The following ZNF599 variants were observed in gnomAD, a reference collection of about 807,000 sequenced individuals.
ZNF599 encodes the protein zinc finger protein 599.
A neutral mutation model predicts 11.7 loss-of-function variants in ZNF599; 10 were observed. The ratio of observed to expected loss-of-function variants is 0.86; its 90% confidence interval spans 0.53 to 1.45. The LOEUF (loss-of-function observed/expected upper bound fraction) is 1.45, where lower values mean the gene tolerates loss of function less well. Ranked by LOEUF, ZNF599 falls within the 40% of genes most tolerant of loss-of-function variation. ZNF599 has a pLI of 0.00. For missense variants in ZNF599, 688 were observed against 713.6 expected, an observed-to-expected ratio of 0.96 and a Z score of 0.41; for synonymous variants, 232 against 253.2, an observed-to-expected ratio of 0.92 and a Z score of 0.79.
the ZNF599 span, among the ~76,000 whole-genome samples, chr19:34,786,854 AG>A: frequency 3.3e-5 from 5 of 152,156 alleles, no homozygotes; most frequent in Admixed American, 1.3e-4. Flanking sequence ...CTTCAGTTCT[AG>A]GCACTCAATA....
At chr19:34,798,206 T>C in the ZNF599 span, among the ~76,000 whole-genome samples, 2 of 152,226 alleles carry the variant, frequency 1.3e-5, no homozygotes, top group African/African-American at 2.4e-5. Flanking sequence ...TCCATAGCAA[T>C]AGTTTCAGGG....
the ZNF599 span, chr19:34,779,716 CTT>C: frequency 3.5e-6 from 1 of 288,258 alleles, no homozygotes; most frequent in East Asian, 1.2e-4. Flanking sequence ...GCTGCACAGA[CTT>C]TTCTTTAGTG....
At chr19:34,770,857 T>C (rs2069179331) in intron 1 of ZNF599, among the ~76,000 whole-genome samples, 2 of 152,152 alleles carry the variant, frequency 1.3e-5, no homozygotes, top group South Asian at 4.1e-4. Context: ...GCCGGGAAGG[T>C]TCCCCAAAGA....
Position 34,772,873 on chromosome 19 carries a change from T to C in ZNF599, c.-32A>G, listed in dbSNP as rs377012518. ...AGGGGGCTGGGTGAGGCCGTGAGAG[T>C]CGGCGAGGAAGCCGGTCCTGCGGGC... On this transcript the variant is annotated 5_prime_UTR_variant, in exon 1 of 4. Coordinates refer to ENST00000329285, the MANE Select transcript of ZNF599 (RefSeq NM_001007248.3). The C allele has an allele frequency of 7.0e-7, 1 of 1,436,850 alleles. No homozygotes were observed. The highest frequency in any genetic ancestry group is 1.4e-5 in the South Asian group (1 of 70,832). 89.0% of individuals were successfully genotyped at this position (1,436,850 alleles called of 1,614,324 possible). A position where few individuals can be genotyped will look rare whatever the true frequency, so the allele number is the denominator to read the frequency against.
chr19:34,785,938 A>C, the ZNF599 span, among the ~76,000 whole-genome samples: 1 of 152,296 alleles, frequency 6.6e-6, no homozygotes, highest in East Asian at 1.9e-4. Context: ...TCCAAGCCTC[A>C]GACTCCACCA....
Position 34,761,591 on chromosome 19 carries a change from C to T in ZNF599, c.242-1032G>A, listed in dbSNP as rs551708559. On this transcript the variant is annotated intron_variant, in intron 3 of 3. Transcript: ENST00000329285. ...TGATTAGGCATAGATATAAGACAAA[C>T]GGTGAAAGGGAAAAATGAAATAGAG... Among the ~76,000 whole-genome samples the T allele has an allele frequency of 1.1e-4, 17 of 151,960 alleles. No individual in the cohort carries two copies. In the South Asian group the frequency reaches 2.3e-3, roughly 20 times the overall value.
chr19:34,787,906 C>G, the ZNF599 span, among the ~76,000 whole-genome samples: 358 of 152,268 alleles, frequency 2.4e-3, no homozygotes, highest in African/African-American at 8.3e-3. Flanking sequence ...TTACAGTCGG[C>G]CCTCTGTATC....
the ZNF599 span, among the ~76,000 whole-genome samples, chr19:34,804,220 G>A: frequency 1.3e-5 from 2 of 152,190 alleles, no homozygotes; most frequent in Non-Finnish European, 2.9e-5. Context: ...CTATCCTGGC[G>A]AGTCCGTAGA....
In ZNF599 at chr19:34,759,368, G is replaced by C. The variant is rs756885831; in HGVS notation, c.1433C>G (p.Pro478Arg). Reference sequence around the variant, plus strand: ...TTTTGCACATTCTTTGCACTCCAAGGGTTTTTGTCCACTGTGGGTCCTATT... The same window carrying C: ...TTTTGCACATTCTTTGCACTCCAAGCGTTTTTGTCCACTGTGGGTCCTATT... ...RHNRTHSGQKPLECKECAKAF... is the reference protein window; with the variant it reads ...RHNRTHSGQKRLECKECAKAF... Residue 478 changes from proline to arginine, a missense_variant, in exon 4 of 4, where the codon CCC (proline) becomes CGC (arginine). Pro to Arg is a moderately radical substitution (Grantham distance 103). Transcript: ENST00000329285. 8 of 1,613,848 alleles carry C rather than the reference G, an allele frequency of 5.0e-6. No homozygotes were observed. In the Admixed American group the frequency reaches 1.3e-4, roughly 27 times the overall value.
the ZNF599 span, among the ~76,000 whole-genome samples, chr19:34,803,633 C>T: frequency 6.6e-6 from 1 of 152,230 alleles, no homozygotes; most frequent in South Asian, 2.1e-4. Flanking sequence ...TGCCTACTCC[C>T]TCCTATCACC....
intron 2 of ZNF599, among the ~76,000 whole-genome samples, chr19:34,768,566 G>A (rs2069160280): frequency 6.6e-6 from 1 of 152,232 alleles, no homozygotes; most frequent in African/African-American, 2.4e-5. Context: ...TTTGTTAAAT[G>A]TAACAAACAC....
upstream of ZNF599, among the ~76,000 whole-genome samples, chr19:34,775,602 G>A (rs2069214364): frequency 6.6e-6 from 1 of 152,192 alleles, no homozygotes; most frequent in Non-Finnish European, 1.5e-5. Flanking sequence ...ATTTAAATAT[G>A]TTAAAACCAC....
chr19:34,793,488 A>G, the ZNF599 span, among the ~76,000 whole-genome samples: 1 of 152,214 alleles, frequency 6.6e-6, no homozygotes. Flanking sequence ...TCATAAAGGG[A>G]ATCTTGTATT....
chr19:34,796,246 C>T, the ZNF599 span, among the ~76,000 whole-genome samples: 4 of 152,072 alleles, frequency 2.6e-5, no homozygotes, highest in Non-Finnish European at 5.9e-5. Flanking sequence ...GACAGGTATA[C>T]CCAACTAGTG....
At chr19:34,778,771 T>A in the ZNF599 span, among the ~76,000 whole-genome samples, 2 of 152,370 alleles carry the variant, frequency 1.3e-5, no homozygotes, top group East Asian at 3.9e-4. Flanking sequence ...ACACCATTCA[T>A]GAATGACTGA....
intron 3 of ZNF599, among the ~76,000 whole-genome samples, chr19:34,766,054 A>G (rs1184215827): frequency 5.9e-5 from 9 of 152,148 alleles, no homozygotes; most frequent in African/African-American, 1.9e-4. Context: ...TCATTGAAAG[A>G]GGCATTAGCT....
In ZNF599 at chr19:34,758,955, TATACTC is replaced by T. The variant is rs1181041497; in HGVS notation, c.*73_*78del. Reference sequence around the variant, plus strand: ...TGGCCAAAATATTTCCCTCAATAGTTATACTCAAAAGGAAAGGTATGTCACCACTAT... The same window carrying T: ...TGGCCAAAATATTTCCCTCAATAGTTAAAAGGAAAGGTATGTCACCACTAT... On this transcript the variant is annotated 3_prime_UTR_variant, in exon 4 of 4. Transcript: ENST00000329285. 29 of 1,425,106 alleles carry T rather than the reference TATACTC, an allele frequency of 2.0e-5. No homozygotes were observed. In the East Asian group the frequency reaches 6.2e-4, roughly 30 times the overall value. The allele number at this position is 1,425,106 out of a possible 1,614,324, so 88.3% of individuals were successfully genotyped here.
the ZNF599 span, among the ~76,000 whole-genome samples, chr19:34,791,150 C>T: frequency 0.37 from 56,543 of 151,988 alleles, 11,012 homozygotes; most frequent in Non-Finnish European, 0.43. Flanking sequence ...AGATGTTGAC[C>T]AAACCCATTT....
rs1222211304 is a variant in ZNF599 at position 34,758,904 on chromosome 19, A to C, written c.*130T>G. 8 of 861,076 alleles carry C rather than the reference A, an allele frequency of 9.3e-6. No homozygotes were observed. Among genetic ancestry groups the C allele is most frequent in the Non-Finnish European group, 1.4e-5 (8 of 559,286 alleles). 53.3% of individuals were successfully genotyped at this position (861,076 alleles called of 1,614,324 possible). The stretch of plus-strand genomic sequence containing the variant: ...GACAATTCTGTTTCTAGTTAGTATA[A>C]ATTATCAGATACTAAGACATCTCTC... On this transcript the variant is annotated 3_prime_UTR_variant, in exon 4 of 4. Transcript: ENST00000329285.
Sources: allele counts gnomAD v4.1 joint callset (sites outside exome capture counted in the v4.1 genomes callset), GRCh38; gene constraint gnomAD v4.1.1; transcripts MANE v1.5; gene names NCBI Gene and HGNC (gene_info 2026-07-23, HGNC 2026-07-21).